Variants in TRABD2A observed in about 807,000 individuals in gnomAD.
The protein encoded by TRABD2A is TraB domain containing 2A.
In TRABD2A, 43 loss-of-function variants were observed where a neutral mutation model predicts 45.6. The observed-to-expected ratio is 0.94, with a 90% CI of 0.74 to 1.22. The LOEUF is 1.22. TRABD2A is among the 50% of genes most tolerant of loss of function. The pLI is 0.00. For missense variants in TRABD2A, 642 were observed against 652.4 expected, an observed-to-expected ratio of 0.98 and a Z score of 0.17; for synonymous variants, 269 against 265.0, an observed-to-expected ratio of 1.02 and a Z score of -0.15.
intron 2 of TRABD2A, among the ~76,000 whole-genome samples, chr2:84,845,411 ATCAGGTACTCCCC>A (rs1485216434): frequency 2.6e-5 from 4 of 152,204 alleles, no homozygotes; most frequent in Non-Finnish European, 4.4e-5. Context: ...GATTTAAGAT[ATCAGGTACTCCCC>A]TACTGAGAAT....
chr2:84,841,777 C>G, intron 3 of TRABD2A, 84 bp downstream of exon 3: 1 of 1,383,312 alleles, frequency 7.2e-7, no homozygotes, highest in Non-Finnish European at 9.5e-7. Flanking sequence ...ATCCTTTGTA[C>G]ACAGGATGTA....
chr2:84,853,677 G>A (rs1267630217), intron 2 of TRABD2A, among the ~76,000 whole-genome samples: 1 of 152,196 alleles, frequency 6.6e-6, no homozygotes, highest in Non-Finnish European at 1.5e-5. Context: ...AGCTGGAAGG[G>A]GGGATTCTCC....
At chr2:84,864,978 C>A (rs997134413) in intron 2 of TRABD2A, among the ~76,000 whole-genome samples, 2 of 152,182 alleles carry the variant, frequency 1.3e-5, no homozygotes, top group African/African-American at 4.8e-5. Flanking sequence ...GGAATTTCCC[C>A]TTCCTCCTCA....
chr2:84,834,848 C>T (rs917870011), intron 4 of TRABD2A: 1 of 152,120 alleles, frequency 6.6e-6, no homozygotes, highest in Non-Finnish European at 1.5e-5. Context: ...CTGCCATGAA[C>T]ATCTGTGTAC....
chr2:84,862,501 G>A (rs1429918545), intron 2 of TRABD2A, among the ~76,000 whole-genome samples: 1 of 152,076 alleles, frequency 6.6e-6, no homozygotes, highest in African/African-American at 2.4e-5. Context: ...CCTCTCTTAG[G>A]ACCCCAAAAG....
intron 2 of TRABD2A, among the ~76,000 whole-genome samples, chr2:84,854,914 T>C (rs1271530783): frequency 6.6e-6 from 1 of 152,052 alleles, no homozygotes; most frequent in Non-Finnish European, 1.5e-5. Flanking sequence ...TACAGACCTT[T>C]CTCTCCTACT....
intron 1 of TRABD2A, among the ~76,000 whole-genome samples, chr2:84,880,457 A>C (rs1683160860): frequency 6.6e-6 from 1 of 152,198 alleles, no homozygotes; most frequent in African/African-American, 2.4e-5. Context: ...CAACTCCCTA[A>C]AGTCCCTTCT....
At chr2:84,857,520 A>G (rs1027287917) in intron 2 of TRABD2A, among the ~76,000 whole-genome samples, 1 of 152,232 alleles carries the variant, frequency 6.6e-6, no homozygotes, top group Non-Finnish European at 1.5e-5. Context: ...AGTGCTAAGC[A>G]GTTCATCTGA....
At chr2:84,836,992 T>TG (rs1286182174) in intron 4 of TRABD2A, 11 of 139,184 alleles carry the variant, frequency 7.9e-5, no homozygotes, top group African/African-American at 2.3e-4. Context: ...TAGGGTTTTT[T>TG]TTTTTTTTTT....
chr2:84,867,885 A>C (rs916024607), intron 2 of TRABD2A, among the ~76,000 whole-genome samples: 3 of 152,246 alleles, frequency 2.0e-5, no homozygotes, highest in African/African-American at 7.2e-5. Flanking sequence ...CCACAATGAG[A>C]TATCATCTCA....
intron 3 of TRABD2A, among the ~76,000 whole-genome samples, chr2:84,840,045 T>TGGGTGCATGCTCTCTCCTCCACCCA (rs1681655174): frequency 6.6e-6 from 1 of 152,040 alleles, no homozygotes; most frequent in Non-Finnish European, 1.5e-5. Flanking sequence ...CTCCTCCCCC[T>TGGGTGCATGCTCTCTCCTCCACCCA]GGGTGCATGC....
At chr2:84,838,095 A>C in intron 4 of TRABD2A, 1 of 633,468 alleles carries the variant, frequency 1.6e-6, no homozygotes, top group Non-Finnish European at 2.9e-6. Flanking sequence ...TCAGGGAACT[A>C]TTGGACATGT....
At chr2:84,856,770 T>G (rs1031108935) in intron 2 of TRABD2A, among the ~76,000 whole-genome samples, 1 of 152,122 alleles carries the variant, frequency 6.6e-6, no homozygotes, top group Non-Finnish European at 1.5e-5. Context: ...TTTCAATCAG[T>G]TCAGCTCCAG....
In TRABD2A at chr2:84,821,945, G is replaced by GCCAGCA. The variant is rs1681012293; in HGVS notation, c.1484_1489dup (p.Val495_Leu496dup). 1 of 1,603,854 alleles carries GCCAGCA rather than the reference G, an allele frequency of 6.2e-7. No individual in the cohort carries two copies. The highest frequency in any genetic ancestry group is 8.5e-7 in the Non-Finnish European group (1 of 1,175,080). ...CAGGAGGGGTGTCTCTGTTTGGAAA[G>GCCAGCA]CCAGCACCAGCACCCAGAACACAGG... On this transcript the variant is annotated inframe_insertion, in exon 7 of 7. Transcript: ENST00000409520.
At position 84,880,924 on chromosome 2, in the gene TRABD2A, C is replaced by G. The variant is rs977307925; in HGVS notation, c.108+8G>C. The G allele has an allele frequency of 1.9e-6, 3 of 1,585,420 alleles. No homozygotes were observed. Among genetic ancestry groups the G allele is most frequent in the South Asian group, 1.1e-5 (1 of 87,130 alleles). ...GGCCGGCTCTCCAGCACCCGACGCG[C>G]GCCTTACTTGGGGCTTGAGCTCGCA... On this transcript the variant is annotated splice_region_variant and intron_variant, in intron 1 of 6. Coordinates refer to ENST00000409520, the MANE Select transcript of TRABD2A (RefSeq NM_001277053.2).
At chr2:84,863,943 A>G (rs1376844088) in intron 2 of TRABD2A, among the ~76,000 whole-genome samples, 1 of 152,186 alleles carries the variant, frequency 6.6e-6, no homozygotes, top group Non-Finnish European at 1.5e-5. Flanking sequence ...CAGGATCTCC[A>G]TCTTCAACCA....
At chr2:84,851,648 T>C (rs1682099766) in intron 2 of TRABD2A, among the ~76,000 whole-genome samples, 1 of 152,262 alleles carries the variant, frequency 6.6e-6, no homozygotes, top group Non-Finnish European at 1.5e-5. Context: ...CATTGTGTGT[T>C]TGCACACATG....
chr2:84,871,131 C>T (rs1325629787), intron 1 of TRABD2A, among the ~76,000 whole-genome samples: 1 of 152,252 alleles, frequency 6.6e-6, no homozygotes, highest in East Asian at 1.9e-4. Context: ...GATGGGACCC[C>T]CTTTTCAATC....
intron 2 of TRABD2A, 101 bp downstream of exon 2, chr2:84,870,124 C>G: frequency 8.2e-7 from 1 of 1,222,984 alleles, no homozygotes; most frequent in Non-Finnish European, 1.1e-6. Context: ...AAGACAATTT[C>G]TAGACAAGCT....
Sources: gnomAD v4.1 joint callset for allele counts (sites outside exome capture counted in the v4.1 genomes callset) on GRCh38, gnomAD v4.1.1 for gene constraint, MANE v1.5 for transcripts, NCBI Gene and HGNC (gene_info 2026-07-23, HGNC 2026-07-21) for gene names.